The following ACSS2 variants were observed in gnomAD, a reference collection of about 807,000 sequenced individuals.
ACSS2 encodes acetyl-coenzyme A synthetase, cytoplasmic.
In ACSS2, 58 loss-of-function variants were observed where a neutral mutation model predicts 90.6. The ratio of observed to expected loss-of-function variants is 0.64; its 90% CI spans 0.52 to 0.80. ACSS2 has a LOEUF of 0.80. Ranked by LOEUF, ACSS2 falls within the 30% of genes least tolerant of loss-of-function variation. The pLI is 0.00. For synonymous variants in ACSS2, 300 were observed against 330.9 expected (o/e 0.91, Z 1.01); for missense variants, 759 against 912.0 (o/e 0.83, Z 2.16).
chr20:34,913,186 G>T lies in ACSS2; in HGVS notation c.465G>T (p.Gln155His). The T allele has an allele frequency of 6.2e-7, 1 of 1,614,084 alleles. No individual in the cohort carries two copies. Among genetic ancestry groups the T allele is most frequent in the Non-Finnish European group, 8.5e-7 (1 of 1,179,992 alleles). Residue 155 changes from glutamine to histidine, a missense_variant and splice_region_variant, in exon 3 of 18, where the codon CAG (glutamine) becomes CAT (histidine). Physicochemically the swap from Gln to His is conservative, Grantham distance 24 (BLOSUM62 0). Coordinates refer to ENST00000360596, the MANE Select transcript of ACSS2 (RefSeq NM_018677.4). ...VCQFSNVLRK[Q>H]GIQKGDRVAI... ...AGTTCAGCAATGTTCTCCGAAAACA[G>T]GGTGAGTGTGGGGGTGTGGGAAAGG...
intron 2 of ACSS2, among the ~76,000 whole-genome samples, chr20:34,896,655 T>C (rs2080467973): frequency 6.6e-6 from 1 of 152,244 alleles, no homozygotes. Flanking sequence ...AAAGATATCC[T>C]GTCTGCCATT....
chr20:34,910,478 C>G (rs1478065207), intron 2 of ACSS2, among the ~76,000 whole-genome samples: 1 of 152,080 alleles, frequency 6.6e-6, no homozygotes, highest in Non-Finnish European at 1.5e-5. Context: ...GAGACTCTGC[C>G]TCTATGAAAA....
chr20:34,910,257 G>C (rs921993755), intron 2 of ACSS2, among the ~76,000 whole-genome samples: 1 of 151,978 alleles, frequency 6.6e-6, no homozygotes. Context: ...TAATTATTTT[G>C]GTCATTCCAC....
Position 34,914,451 on chromosome 20 carries a change from T to C in ACSS2, c.834+14T>C. The C allele has an allele frequency of 1.9e-6, 3 of 1,578,288 alleles. No homozygotes were observed. Among genetic ancestry groups the C allele is most frequent in the Non-Finnish European group, 2.6e-6 (3 of 1,163,284 alleles). ...CCAGATGTGCAGGTGAGTCTGGCACTGCTATGCCTTTCTCCAGGCTCAAAT... is the reference window on the plus strand; with the variant it reads ...CCAGATGTGCAGGTGAGTCTGGCACCGCTATGCCTTTCTCCAGGCTCAAAT... On this transcript the variant is annotated intron_variant, in intron 7 of 17. Transcript: ENST00000360596.
At chr20:34,912,206 C>A (rs1459697716) in intron 2 of ACSS2, among the ~76,000 whole-genome samples, 3 of 152,198 alleles carry the variant, frequency 2.0e-5, no homozygotes, top group African/African-American at 7.2e-5. Context: ...TGAAGTAAAC[C>A]AGGCTAAAGC....
chr20:34,921,674 G>A, intron 12 of ACSS2, 74 bp downstream of exon 12: 1 of 1,611,318 alleles, frequency 6.2e-7, no homozygotes, highest in African/African-American at 1.3e-5. Context: ...TAGTTAGATA[G>A]TGGAGAACTG....
chr20:34,875,221 G>T (rs539430830), upstream of ACSS2: 535 of 509,460 alleles, frequency 1.1e-3, 6 homozygotes, highest in Middle Eastern at 0.016. Context: ...AGCCCAGGTT[G>T]TGGTGGTGGT....
chr20:34,903,230 T>C (rs2080712559), intron 2 of ACSS2, among the ~76,000 whole-genome samples: 1 of 151,562 alleles, frequency 6.6e-6, no homozygotes, highest in Admixed American at 6.6e-5. Context: ...TGGTCCCAGC[T>C]ACTTGGGAGG....
chr20:34,883,967 A>C (rs938166558), intron 2 of ACSS2, among the ~76,000 whole-genome samples: 5 of 151,924 alleles, frequency 3.3e-5, no homozygotes, highest in Non-Finnish European at 7.4e-5. Flanking sequence ...TGGAGACAGG[A>C]TCTTGCTCTG....
At chr20:34,905,900 C>T (rs1226536029) in intron 2 of ACSS2, among the ~76,000 whole-genome samples, 1 of 152,226 alleles carries the variant, frequency 6.6e-6, no homozygotes, top group Non-Finnish European at 1.5e-5. Context: ...GAGCTTGCAG[C>T]TCCTGGTGTA....
At chr20:34,919,200 C>T (rs981998689) in intron 7 of ACSS2, among the ~76,000 whole-genome samples, 1 of 152,026 alleles carries the variant, frequency 6.6e-6, no homozygotes, top group African/African-American at 2.4e-5. Context: ...AGCCTGAGGC[C>T]AGGTGAGAGG....
chr20:34,876,842 G>A lies in ACSS2; in HGVS notation c.178+19G>A, dbSNP rs141085032. 2,804 of 1,271,000 alleles carry A rather than the reference G, an allele frequency of 2.2e-3. 52 individuals are homozygous for A. In the African/African-American group the frequency reaches 0.036, roughly 16 times the overall value. 78.7% of individuals were successfully genotyped at this position (1,271,000 alleles called of 1,614,324 possible). On this transcript the variant is annotated intron_variant, in intron 1 of 17. Coordinates refer to ENST00000360596, the MANE Select transcript of ACSS2 (RefSeq NM_018677.4). ...CCGCGGGGTGAGGCCCGGCCCGGGCGGGCCTGGGGTGTCAGTGAGGAGAAG... is the reference window on the plus strand; with the variant it reads ...CCGCGGGGTGAGGCCCGGCCCGGGCAGGCCTGGGGTGTCAGTGAGGAGAAG...
At position 34,927,369 on chromosome 20, in the gene ACSS2, C is replaced by A; in HGVS notation, c.*155C>A. 9.7e-7 allele frequency: 1 copy of A among 1,026,464 alleles called. No individual in the cohort carries two copies. Among genetic ancestry groups the A allele is most frequent in the Non-Finnish European group, 1.4e-6 (1 of 695,026 alleles). 63.6% of individuals were successfully genotyped at this position (1,026,464 alleles called of 1,614,324 possible). On this transcript the variant is annotated 3_prime_UTR_variant, in exon 18 of 18. Transcript: ENST00000360596. This position sits in a 1 kb window ranked among gnomAD's most constrained non-coding sequence, Gnocchi z 4.2. The stretch of plus-strand genomic sequence containing the variant: ...AACCAGCTTTGTCTCCAGGTAGAGA[C>A]AACATCCTGTGACTGCCAGGCAGAA...
intron 2 of ACSS2, among the ~76,000 whole-genome samples, chr20:34,912,109 C>T (rs577695748): frequency 4.6e-5 from 7 of 152,108 alleles, no homozygotes; most frequent in South Asian, 2.1e-4. Context: ...AGAGCCACCA[C>T]GCCCCGCCCA....
rs1405208734 is a variant in ACSS2, at chr20:34,882,847, C to G, written c.232C>G (p.Pro78Ala). 6.2e-7 allele frequency: 1 copy of G among 1,613,398 alleles called. No homozygotes were observed. The highest frequency in any genetic ancestry group is 8.5e-7 in the Non-Finnish European group (1 of 1,179,842). ...TTACTGGAAGACTCCATGCCCTGGCCCATTCCTTCGGTACAACTTTGATGT... is the reference window on the plus strand; with the variant it reads ...TTACTGGAAGACTCCATGCCCTGGCGCATTCCTTCGGTACAACTTTGATGT... ...EFYWKTPCPG[P>A]FLRYNFDVTK... Residue 78 changes from proline to alanine, a missense_variant, in exon 2 of 18, where the codon CCA becomes GCA. By Grantham distance (27) the Pro-to-Ala change is conservative. Transcript: ENST00000360596.
intron 14 of ACSS2, 150 bp from the exon 15 acceptor site, chr20:34,925,548 G>A (rs1329394820): frequency 1.4e-6 from 1 of 709,864 alleles, no homozygotes. Flanking sequence ...GATCAGTGGT[G>A]CCCTCTTGGA....
chr20:34,894,183 G>A (rs1400253127), intron 2 of ACSS2, among the ~76,000 whole-genome samples: 2 of 152,118 alleles, frequency 1.3e-5, no homozygotes, highest in African/African-American at 4.8e-5. Context: ...CCTCCAAACT[G>A]CCACATATAG....
chr20:34,911,570 C>A (rs2080959917), intron 2 of ACSS2, among the ~76,000 whole-genome samples: 1 of 151,730 alleles, frequency 6.6e-6, no homozygotes, highest in East Asian at 1.9e-4. Context: ...TAGATGGGCC[C>A]ACTTTGGCCT....
chr20:34,923,941 A>C (rs2081260684), intron 14 of ACSS2, among the ~76,000 whole-genome samples: 1 of 152,080 alleles, frequency 6.6e-6, no homozygotes, highest in African/African-American at 2.4e-5. Context: ...AGGGGTAAAG[A>C]AAATTAGAGA....
Sources: allele counts gnomAD v4.1 joint callset (sites outside exome capture counted in the v4.1 genomes callset), GRCh38; gene constraint gnomAD v4.1.1; non-coding constraint Gnocchi (gnomAD v3.1); transcripts MANE v1.5; gene names NCBI Gene and HGNC (gene_info 2026-07-23, HGNC 2026-07-21).